The following PTPRM variants were observed in gnomAD, a reference collection of about 807,000 sequenced individuals.
PTPRM encodes the protein receptor-type tyrosine-protein phosphatase mu.
In PTPRM, 47 loss-of-function variants were observed where a neutral mutation model predicts 186.7. That is an observed-to-expected ratio of 0.25 (90% CI 0.20 to 0.32). The LOEUF is 0.32. PTPRM is among the 10% of genes least tolerant of loss of function. The pLI is 1.00. For synonymous variants in PTPRM, 668 were observed against 674.9 expected (o/e 0.99, Z 0.16); for missense variants, 1,494 against 1,865.0 (o/e 0.80, Z 3.66).
intron 1 of PTPRM, among the ~76,000 whole-genome samples, chr18:7,721,169 C>G (rs921868697): frequency 2.0e-5 from 3 of 150,598 alleles, no homozygotes; most frequent in African/African-American, 2.4e-5. Flanking sequence ...TTAGCTATTC[C>G]AGTGGGCATG....
intron 2 of PTPRM, among the ~76,000 whole-genome samples, chr18:7,793,652 G>A (rs1413471554): frequency 6.6e-6 from 1 of 152,116 alleles, no homozygotes; most frequent in Admixed American, 6.5e-5. Flanking sequence ...AGATGGGGAG[G>A]ATTATTGATA....
chr18:8,367,338 G>A (rs559411220), intron 23 of PTPRM, among the ~76,000 whole-genome samples: 7 of 152,362 alleles, frequency 4.6e-5, no homozygotes, highest in African/African-American at 1.7e-4. Context: ...GTGCTCGGGA[G>A]GGGCCTTGCC....
intron 4 of PTPRM, among the ~76,000 whole-genome samples, chr18:7,920,071 A>G (rs2050774682): frequency 6.6e-6 from 1 of 152,148 alleles, no homozygotes; most frequent in African/African-American, 2.4e-5. Flanking sequence ...TGTCTTACCT[A>G]TGTGAGTGCC....
chr18:8,355,849 A>G (rs966417834), intron 23 of PTPRM, among the ~76,000 whole-genome samples: 1 of 152,236 alleles, frequency 6.6e-6, no homozygotes, highest in Non-Finnish European at 1.5e-5. Context: ...CTAGTGAGCC[A>G]AATGGGTCTC....
At chr18:8,161,432 CAG>C (rs1395167972) in intron 14 of PTPRM, among the ~76,000 whole-genome samples, 21 of 152,150 alleles carry the variant, frequency 1.4e-4, no homozygotes, top group Middle Eastern at 3.4e-3. Context: ...GCTCCTGGTG[CAG>C]AGAGTGTGGT....
chr18:8,035,983 C>T (rs185827128), intron 7 of PTPRM, among the ~76,000 whole-genome samples: 176 of 152,204 alleles, frequency 1.2e-3, no homozygotes, highest in Non-Finnish European at 2.0e-3. Flanking sequence ...CTTAGAGCAC[C>T]TATGCCTCAG....
chr18:7,983,913 G>C (rs887006194), intron 7 of PTPRM, among the ~76,000 whole-genome samples: 1 of 152,140 alleles, frequency 6.6e-6, no homozygotes, highest in Non-Finnish European at 1.5e-5. Context: ...ATGCTAAAGA[G>C]CCAGAGACAT....
intron 7 of PTPRM, among the ~76,000 whole-genome samples, chr18:8,045,756 C>A (rs1358458966): frequency 6.6e-6 from 1 of 152,114 alleles, no homozygotes; most frequent in Non-Finnish European, 1.5e-5. Context: ...GATGGTCACA[C>A]AGGTCTGTGA....
chr18:7,646,673 C>T (rs1000476035), intron 1 of PTPRM, among the ~76,000 whole-genome samples: 10 of 152,118 alleles, frequency 6.6e-5, no homozygotes, highest in African/African-American at 9.7e-5. Context: ...TGCTGAAATC[C>T]GAGCTTTCCA....
At chr18:7,869,336 G>C (rs1392562885) in intron 2 of PTPRM, among the ~76,000 whole-genome samples, 1 of 152,166 alleles carries the variant, frequency 6.6e-6, no homozygotes, top group Non-Finnish European at 1.5e-5. Flanking sequence ...ACAGGCACCG[G>C]GGGGAATCTC....
rs1208165737 is a variant in PTPRM, at chr18:8,240,651, G to GAAAGAA, written c.2301-3406_2301-3405insAAGAAA. ...AGAGAGAGAGAGAGAGAGAGAGAGA[G>GAAAGAA]AGAAAGAAAGAAAGAAAGAAAGAAA... is the stretch of plus-strand genomic sequence containing the variant. On this transcript the variant is annotated intron_variant, in intron 14 of 32. Transcript: ENST00000580170. Among the ~76,000 whole-genome samples the GAAAGAA allele has an allele frequency of 1.7e-3, 58 of 33,798 alleles. 2 individuals carry two copies. The highest frequency in any genetic ancestry group is 2.3e-3 in the African/African-American group (13 of 5,546). 22.2% of individuals were successfully genotyped at this position (33,798 alleles called of 152,430 possible).
intron 2 of PTPRM, chr18:7,815,242 T>TC (rs1244003783): frequency 6.6e-6 from 1 of 152,170 alleles, no homozygotes; most frequent in African/African-American, 2.4e-5. Context: ...GCTGTGTAAA[T>TC]CCTTAATTTT....
chr18:7,903,338 G>T (rs1019235076), intron 3 of PTPRM, among the ~76,000 whole-genome samples: 1 of 152,214 alleles, frequency 6.6e-6, no homozygotes, highest in Non-Finnish European at 1.5e-5. Context: ...TTGGGTAGCT[G>T]GTAGTGGTAG....
chr18:7,641,696 A>G (rs138625647), intron 1 of PTPRM, among the ~76,000 whole-genome samples: 92 of 152,362 alleles, frequency 6.0e-4, no homozygotes, highest in African/African-American at 2.1e-3. Flanking sequence ...GCCCCTTTTA[A>G]AATGGAAGAC....
chr18:7,789,479 G>T (rs2043236793), intron 2 of PTPRM, among the ~76,000 whole-genome samples: 1 of 152,148 alleles, frequency 6.6e-6, no homozygotes, highest in African/African-American at 2.4e-5. Flanking sequence ...TGGAAGAAAA[G>T]AAAATTAAAT....
intron 2 of PTPRM, among the ~76,000 whole-genome samples, chr18:7,885,420 T>G (rs75870936): frequency 6.6e-6 from 1 of 152,290 alleles, no homozygotes; most frequent in Non-Finnish European, 1.5e-5. Context: ...AAGATCCACT[T>G]CTGTAGGATC....
Position 8,372,056 on chromosome 18 carries a change from C to CTTTTTTTTTTTTTTTTTTTTTTTTTTTT in PTPRM, c.3171+1076_3171+1077insTTTTTTTTTTTTTTTTTTTTTTTTTTTT, listed in dbSNP as rs557766971. 1.0e-4 allele frequency among the ~76,000 whole-genome samples: 6 copies of CTTTTTTTTTTTTTTTTTTTTTTTTTTTT among 59,068 alleles called. 2 individuals are homozygous for CTTTTTTTTTTTTTTTTTTTTTTTTTTTT. The highest frequency in any genetic ancestry group is 2.3e-4 in the Non-Finnish European group (6 of 26,310). The allele number at this position is 59,068 out of a possible 152,430, so 38.8% of individuals were successfully genotyped here. Reference sequence around the variant, plus strand: ...TTGGCCTTCCTCTCCACTCTATATTCTTTTTTTTTTTTTTTTTTTTTTTTT... The same window carrying CTTTTTTTTTTTTTTTTTTTTTTTTTTTT: ...TTGGCCTTCCTCTCCACTCTATATTCTTTTTTTTTTTTTTTTTTTTTTTTTTTTTTTTTTTTTTTTTTTTTTTTTTTTT... On this transcript the variant is annotated intron_variant, in intron 24 of 32. Coordinates refer to ENST00000580170, the MANE Select transcript of PTPRM (RefSeq NM_001105244.2).
At chr18:8,132,146 G>A (rs751264616) in intron 13 of PTPRM, among the ~76,000 whole-genome samples, 2 of 152,168 alleles carry the variant, frequency 1.3e-5, no homozygotes, top group African/African-American at 4.8e-5. Context: ...TTGTGTAGGT[G>A]TTGTCCTTAC....
chr18:7,704,139 T>C (rs1189376345), intron 1 of PTPRM, among the ~76,000 whole-genome samples: 1 of 152,192 alleles, frequency 6.6e-6, no homozygotes, highest in Non-Finnish European at 1.5e-5. Context: ...ATTTTCCTTT[T>C]TGCTGTGTCT....
Sources: gnomAD v4.1 joint callset for allele counts (sites outside exome capture counted in the v4.1 genomes callset) on GRCh38, gnomAD v4.1.1 for gene constraint, MANE v1.5 for transcripts, NCBI Gene and HGNC (gene_info 2026-07-23, HGNC 2026-07-21) for gene names.